FGGY: variants seen among roughly 807,000 people sequenced by gnomAD.
FGGY encodes the protein FGGY carbohydrate kinase domain containing, also known as FGGY carbohydrate kinase domain-containing protein.
In FGGY, 72 loss-of-function variants were observed where a neutral mutation model predicts 71.3. The ratio of observed to expected loss-of-function variants is 1.01; its 90% CI spans 0.84 to 1.23. The LOEUF is 1.23. Among genes scored for constraint, FGGY ranks in the 50% most tolerant of loss-of-function variants. The pLI is 0.00. For missense variants in FGGY, 668 were observed against 682.3 expected, an observed-to-expected ratio of 0.98 and a Z score of 0.23; for synonymous variants, 251 against 250.3, an observed-to-expected ratio of 1.00 and a Z score of -0.02.
At chr1:59,498,245 C>T (rs72666216) in intron 6 of FGGY, among the ~76,000 whole-genome samples, 9,728 of 152,150 alleles carry the variant, frequency 0.064, 403 homozygotes, top group East Asian at 0.12. Context: ...AGTAGGCTGG[C>T]GAGTAGCTTG....
At chr1:59,604,248 T>C (rs1465939947) in intron 8 of FGGY, among the ~76,000 whole-genome samples, 1 of 152,188 alleles carries the variant, frequency 6.6e-6, no homozygotes, top group Non-Finnish European at 1.5e-5. Flanking sequence ...AAAAAGATTT[T>C]TAAATATTTA....
chr1:59,611,258 C>T (rs2096674321), intron 9 of FGGY, among the ~76,000 whole-genome samples: 1 of 152,172 alleles, frequency 6.6e-6, no homozygotes. Flanking sequence ...CTGGGAGACA[C>T]CTCCCAGTAG....
chr1:59,668,073 G>C (rs1313454301), intron 13 of FGGY, among the ~76,000 whole-genome samples: 1 of 152,168 alleles, frequency 6.6e-6, no homozygotes, highest in Non-Finnish European at 1.5e-5. Context: ...ATCAGAATCA[G>C]GGATCATAAT....
At chr1:59,434,748 G>T (rs887873028) in intron 5 of FGGY, among the ~76,000 whole-genome samples, 1 of 151,984 alleles carries the variant, frequency 6.6e-6, no homozygotes, top group Admixed American at 6.6e-5. Flanking sequence ...CATTTTACAA[G>T]GGCCCTACTT....
intron 13 of FGGY, among the ~76,000 whole-genome samples, chr1:59,673,422 G>A (rs1031917609): frequency 3.0e-4 from 46 of 152,144 alleles, no homozygotes; most frequent in Non-Finnish European, 6.2e-4. Flanking sequence ...AGGACTACGT[G>A]GCTGGAAGGA....
intron 7 of FGGY, among the ~76,000 whole-genome samples, chr1:59,545,772 G>A (rs886067263): frequency 4.6e-5 from 7 of 152,216 alleles, no homozygotes; most frequent in African/African-American, 7.2e-5. Context: ...AGTCATGGAG[G>A]AGTGTGGCAT....
At chr1:59,412,397 C>T (rs763378549) in intron 5 of FGGY, among the ~76,000 whole-genome samples, 13 of 152,192 alleles carry the variant, frequency 8.5e-5, no homozygotes, top group South Asian at 2.1e-4. Context: ...GGATAGAGAA[C>T]GAGTCACTTC....
At chr1:59,632,940 T>C (rs1410252414) in intron 10 of FGGY, among the ~76,000 whole-genome samples, 1 of 152,222 alleles carries the variant, frequency 6.6e-6, no homozygotes, top group East Asian at 1.9e-4. Flanking sequence ...CAGTAAATTC[T>C]TGATGGCTCT....
intron 6 of FGGY, among the ~76,000 whole-genome samples, chr1:59,486,670 C>G (rs1383413190): frequency 6.6e-6 from 1 of 152,168 alleles, no homozygotes; most frequent in Non-Finnish European, 1.5e-5. Flanking sequence ...TAGCTACCTT[C>G]TTATCCTCCT....
chr1:59,677,355 C>G (rs1324098641), intron 14 of FGGY, among the ~76,000 whole-genome samples: 1 of 152,210 alleles, frequency 6.6e-6, no homozygotes, highest in Non-Finnish European at 1.5e-5. Flanking sequence ...CTCAACTATT[C>G]CAGCAAGTCA....
At chr1:59,521,482 T>A (rs777863398) in intron 7 of FGGY, among the ~76,000 whole-genome samples, 1 of 152,114 alleles carries the variant, frequency 6.6e-6, no homozygotes, top group Non-Finnish European at 1.5e-5. Flanking sequence ...GTGTCCCCAG[T>A]TTTTAAATCT....
chr1:59,654,432 G>C (rs1313363251), intron 11 of FGGY, among the ~76,000 whole-genome samples: 1 of 152,144 alleles, frequency 6.6e-6, no homozygotes, highest in African/African-American at 2.4e-5. Flanking sequence ...CTGAGCCTTG[G>C]ATACCCCCAT....
intron 14 of FGGY, among the ~76,000 whole-genome samples, chr1:59,729,017 A>G (rs74371420): frequency 1.3e-5 from 2 of 151,930 alleles, no homozygotes; most frequent in East Asian, 1.9e-4. Context: ...AACCATGCAT[A>G]TGTTATACGT....
chr1:59,404,690 TTCTGCTAAATCTGAGCAGAAGAGACAG>T (rs2062478661), intron 5 of FGGY, among the ~76,000 whole-genome samples: 1 of 152,158 alleles, frequency 6.6e-6, no homozygotes, highest in Admixed American at 6.5e-5. Flanking sequence ...CCAGTGTCTC[TTCTGCTAAATCTGAGCAGAAGAGACAG>T]ATCTGGAAGC....
chr1:59,501,667 A>G (rs2094227604), intron 6 of FGGY, among the ~76,000 whole-genome samples: 1 of 152,232 alleles, frequency 6.6e-6, no homozygotes, highest in South Asian at 2.1e-4. Flanking sequence ...AAATAACTCT[A>G]AAGAGAACAC....
intron 14 of FGGY, among the ~76,000 whole-genome samples, chr1:59,754,293 C>T (rs937580242): frequency 1.3e-5 from 2 of 152,230 alleles, no homozygotes; most frequent in South Asian, 2.1e-4. Flanking sequence ...GAAAACCTCT[C>T]GCCTGAAATA....
At chr1:59,690,913 A>G (rs916566742) in intron 14 of FGGY, among the ~76,000 whole-genome samples, 6 of 152,198 alleles carry the variant, frequency 3.9e-5, no homozygotes, top group African/African-American at 1.4e-4. Flanking sequence ...CACTTGCTCT[A>G]ATTTTTCAAA....
At chr1:59,575,192 C>CA (rs1315720988) in intron 8 of FGGY, among the ~76,000 whole-genome samples, 2 of 152,136 alleles carry the variant, frequency 1.3e-5, no homozygotes, top group African/African-American at 4.8e-5. Context: ...CCATGCTGTG[C>CA]AACAGATCTT....
chr1:59,532,103 ATTAATATGG>A (rs1389429007), intron 7 of FGGY, among the ~76,000 whole-genome samples: 8 of 152,344 alleles, frequency 5.3e-5, no homozygotes, highest in Admixed American at 3.3e-4. Flanking sequence ...CATATCTGTG[ATTAATATGG>A]TCAACAAATT....
Sources: allele counts gnomAD v4.1 joint callset (sites outside exome capture counted in the v4.1 genomes callset), GRCh38; gene constraint gnomAD v4.1.1; transcripts MANE v1.5; gene names NCBI Gene and HGNC (gene_info 2026-07-23, HGNC 2026-07-21).